Variants in MAP4K3 observed in about 807,000 individuals in gnomAD.
MAP4K3 encodes MAPK/ERK kinase kinase kinase 3.
A neutral mutation model predicts 143.5 loss-of-function variants in MAP4K3; 94 were observed. That is an observed-to-expected ratio of 0.65 (90% CI 0.55 to 0.78). The LOEUF (loss-of-function observed/expected upper bound fraction) is 0.78, where lower values mean the gene tolerates loss of function less well. MAP4K3 is among the 30% of genes least tolerant of loss of function. The pLI, the probability that MAP4K3 is intolerant of heterozygous loss-of-function variation, is 0.00. For synonymous variants in MAP4K3, 416 were observed against 347.2 expected (o/e 1.20, Z -2.20); for missense variants, 1,077 against 1,068.1 (o/e 1.01, Z -0.12).
At chr2:39,317,248 T>C (rs892467758) in intron 12 of MAP4K3, among the ~76,000 whole-genome samples, 1 of 151,962 alleles carries the variant, frequency 6.6e-6, no homozygotes, top group Non-Finnish European at 1.5e-5. Context: ...TTACACAATA[T>C]ACAAAAATCA....
At chr2:39,288,606 A>C in intron 19 of MAP4K3, among the ~76,000 whole-genome samples, 1 of 152,116 alleles carries the variant, frequency 6.6e-6, no homozygotes, top group East Asian at 1.9e-4. Context: ...TATCTCCTTC[A>C]ATTTAAATCA....
chr2:39,346,972 G>C (rs1170821338), intron 3 of MAP4K3, among the ~76,000 whole-genome samples: 1 of 152,006 alleles, frequency 6.6e-6, no homozygotes, highest in African/African-American at 2.4e-5. Context: ...CTCTAAAAGA[G>C]TGAGTGGTTC....
chr2:39,335,796 G>A (rs1250024064), intron 6 of MAP4K3, among the ~76,000 whole-genome samples: 1 of 152,164 alleles, frequency 6.6e-6, no homozygotes, highest in African/African-American at 2.4e-5. Flanking sequence ...AGGGATCTCA[G>A]CAGGTTATCT....
chr2:39,353,437 T>C (rs1191913483), intron 3 of MAP4K3, among the ~76,000 whole-genome samples: 1 of 151,358 alleles, frequency 6.6e-6, no homozygotes, highest in African/African-American at 2.4e-5. Flanking sequence ...AATAAAATAA[T>C]ATATTTAAAT....
chr2:39,394,264 TTATAG>T (rs973353631), intron 1 of MAP4K3, among the ~76,000 whole-genome samples: 108 of 152,284 alleles, frequency 7.1e-4, no homozygotes, highest in African/African-American at 2.6e-3. Flanking sequence ...TTCAATTGCA[TTATAG>T]TAATCTTGGG....
At chr2:39,349,186 T>C (rs1037080895) in intron 3 of MAP4K3, among the ~76,000 whole-genome samples, 3 of 152,170 alleles carry the variant, frequency 2.0e-5, no homozygotes, top group African/African-American at 7.2e-5. Context: ...TAATCATCAA[T>C]GAGAAAAACA....
chr2:39,296,004 G>A lies in MAP4K3; in HGVS notation c.1179-2736C>T, dbSNP rs184626410. Among the ~76,000 whole-genome samples the A allele has an allele frequency of 9.9e-4, 150 of 152,162 alleles. 1 individual carries two copies. The highest frequency in any genetic ancestry group is 3.3e-3 in the African/African-American group (136 of 41,506). The stretch of plus-strand genomic sequence containing the variant: ...AGTGTTGGGATTACAGGTATAAGCC[G>A]TGAGCCATCACACCCAGCCAGCATT... On this transcript the variant is annotated intron_variant, in intron 16 of 33. Coordinates refer to ENST00000263881, the MANE Select transcript of MAP4K3 (RefSeq NM_003618.4).
At chr2:39,433,893 T>C (rs1477986513) in intron 1 of MAP4K3, among the ~76,000 whole-genome samples, 2 of 152,212 alleles carry the variant, frequency 1.3e-5, no homozygotes, top group Non-Finnish European at 2.9e-5. Flanking sequence ...TTGAGTCATT[T>C]AGTCAATACC....
At chr2:39,268,974 T>A (rs936786338) in intron 26 of MAP4K3, among the ~76,000 whole-genome samples, 3 of 152,158 alleles carry the variant, frequency 2.0e-5, no homozygotes, top group African/African-American at 7.2e-5. Flanking sequence ...TTGCCCAGGC[T>A]GGTCTCAAAT....
intron 24 of MAP4K3, among the ~76,000 whole-genome samples, chr2:39,277,513 A>G (rs13418997): frequency 0.28 from 42,851 of 152,016 alleles, 7,622 homozygotes; most frequent in Non-Finnish European, 0.39. Flanking sequence ...TCTCAAGGGT[A>G]TGGACTAGTC....
intron 1 of MAP4K3, among the ~76,000 whole-genome samples, chr2:39,396,958 G>A (rs979407796): frequency 1.3e-5 from 2 of 152,110 alleles, no homozygotes; most frequent in African/African-American, 4.8e-5. Flanking sequence ...GAATCATTTA[G>A]TAGTATGTAC....
intron 1 of MAP4K3, among the ~76,000 whole-genome samples, chr2:39,412,077 T>C (rs532921379): frequency 8.5e-5 from 13 of 152,314 alleles, no homozygotes; most frequent in Admixed American, 2.0e-4. Context: ...TTACAGTCAT[T>C]AGGAAGATCA....
intron 4 of MAP4K3, 62 bp from the exon 5 acceptor site, chr2:39,337,643 A>G (rs1421724893): frequency 8.9e-7 from 1 of 1,125,488 alleles, no homozygotes; most frequent in African/African-American, 1.5e-5. Context: ...AATATATAAT[A>G]AAGTTTTACA....
At chr2:39,320,006 T>C (rs72925257) in intron 12 of MAP4K3, among the ~76,000 whole-genome samples, 1 of 152,076 alleles carries the variant, frequency 6.6e-6, no homozygotes, top group East Asian at 1.9e-4. Context: ...TTCTGGCATC[T>C]TCCTATTGGC....
chr2:39,424,493 C>T (rs981712070), intron 1 of MAP4K3, among the ~76,000 whole-genome samples: 1 of 152,028 alleles, frequency 6.6e-6, no homozygotes, highest in Non-Finnish European at 1.5e-5. Context: ...TGCTAGGACT[C>T]TGGAAGGGAC....
chr2:39,367,110 G>C (rs984132851), intron 2 of MAP4K3, among the ~76,000 whole-genome samples: 2 of 152,114 alleles, frequency 1.3e-5, no homozygotes, highest in Admixed American at 1.3e-4. Context: ...CTATTTATTT[G>C]TTTGGCTGTA....
chr2:39,281,768 A>G (rs1377208504), intron 22 of MAP4K3, among the ~76,000 whole-genome samples: 1 of 150,950 alleles, frequency 6.6e-6, no homozygotes, highest in Non-Finnish European at 1.5e-5. Context: ...AGTATACTGT[A>G]TAAATCAATA....
At chr2:39,365,065 G>A (rs1481523745) in intron 2 of MAP4K3, among the ~76,000 whole-genome samples, 1 of 152,062 alleles carries the variant, frequency 6.6e-6, no homozygotes, top group Non-Finnish European at 1.5e-5. Context: ...CACAAGAGAC[G>A]GCTTTGCAGG....
chr2:39,408,055 CT>C (rs1667142467), intron 1 of MAP4K3, among the ~76,000 whole-genome samples: 1 of 152,124 alleles, frequency 6.6e-6, no homozygotes, highest in Non-Finnish European at 1.5e-5. Flanking sequence ...ATCTACAAAG[CT>C]TTTAACCCTT....
Sources: allele counts gnomAD v4.1 joint callset (sites outside exome capture counted in the v4.1 genomes callset), GRCh38; gene constraint gnomAD v4.1.1; transcripts MANE v1.5; gene names NCBI Gene and HGNC (gene_info 2026-07-23, HGNC 2026-07-21).